The following SMCO4 variants were observed in gnomAD, a reference collection of about 807,000 sequenced individuals.
The protein encoded by SMCO4 is single-pass membrane protein with coiled-coil domains 4.
In SMCO4, 4 loss-of-function variants were observed where a neutral mutation model predicts 3.6. The observed-to-expected ratio is 1.11, with a 90% CI of 0.54 to 2.53. SMCO4 has a LOEUF of 2.53. Among genes scored for constraint, SMCO4 ranks in the 30% most tolerant of loss-of-function variants. The pLI is 0.02. For synonymous variants in SMCO4, 36 were observed against 35.3 expected (o/e 1.02, Z -0.07); for missense variants, 70 against 80.8 (o/e 0.87, Z 0.51).
At chr11:93,518,876 AG>A (rs1949032982) in intron 1 of SMCO4, among the ~76,000 whole-genome samples, 1 of 152,180 alleles carries the variant, frequency 6.6e-6, no homozygotes. Context: ...GGCCATTAAC[AG>A]GGGCGGCCTT....
intron 2 of SMCO4, among the ~76,000 whole-genome samples, chr11:93,480,117 C>T (rs563149303): frequency 1.3e-5 from 2 of 152,342 alleles, no homozygotes; most frequent in South Asian, 4.1e-4. Context: ...GGCTTCTTAG[C>T]TTTAAGCAGA....
chr11:93,525,841 TC>T (rs1388205193), intron 1 of SMCO4, among the ~76,000 whole-genome samples: 1 of 152,222 alleles, frequency 6.6e-6, no homozygotes, highest in Non-Finnish European at 1.5e-5. Flanking sequence ...GCCCCTGCTT[TC>T]CTGTCAGATG....
chr11:93,489,218 A>G (rs1284256137), intron 2 of SMCO4, among the ~76,000 whole-genome samples: 1 of 152,222 alleles, frequency 6.6e-6, no homozygotes, highest in Non-Finnish European at 1.5e-5. Flanking sequence ...TCTGTGCCTC[A>G]GATGTCTCAC....
At chr11:93,539,391 C>T (rs1454479463) in intron 1 of SMCO4, among the ~76,000 whole-genome samples, 1 of 151,958 alleles carries the variant, frequency 6.6e-6, no homozygotes, top group East Asian at 1.9e-4. Flanking sequence ...ACGGAAGGAA[C>T]AGGAAGAGAA....
At position 93,478,978 on chromosome 11, in the gene SMCO4, C is replaced by G; in HGVS notation, c.*32G>C. On this transcript the variant is annotated 3_prime_UTR_variant, in exon 3 of 3. Transcript: ENST00000298966. ...CGTCCCCCTCCCGCGCCTCCTCTCCCTGCCGATGGGGTCCGCAGCCGGCTG... is the reference window on the plus strand; with the variant it reads ...CGTCCCCCTCCCGCGCCTCCTCTCCGTGCCGATGGGGTCCGCAGCCGGCTG... 6.3e-7 allele frequency: 1 copy of G among 1,579,012 alleles called. No homozygotes were observed. Among genetic ancestry groups the G allele is most frequent in the Non-Finnish European group, 8.6e-7 (1 of 1,160,654 alleles).
the SMCO4 span, among the ~76,000 whole-genome samples, chr11:93,549,698 A>G: frequency 2.0e-5 from 3 of 151,704 alleles, no homozygotes; most frequent in Non-Finnish European, 1.5e-5. Context: ...GGCTCAAGTG[A>G]TCCTTCCACC....
intron 2 of SMCO4, among the ~76,000 whole-genome samples, chr11:93,483,216 G>C (rs910760203): frequency 3.9e-5 from 6 of 152,184 alleles, no homozygotes; most frequent in Non-Finnish European, 8.8e-5. Context: ...CTCAGGGAAA[G>C]AGAAATCAAG....
At chr11:93,534,190 CAAAAA>C (rs1168392909) in intron 1 of SMCO4, among the ~76,000 whole-genome samples, 7 of 110,420 alleles carry the variant, frequency 6.3e-5, no homozygotes, top group African/African-American at 2.3e-4. Context: ...GACTCCGTCT[CAAAAA>C]AAAAAAAAAA....
chr11:93,517,321 T>A (rs71480683), intron 1 of SMCO4, among the ~76,000 whole-genome samples: 1 of 152,008 alleles, frequency 6.6e-6, no homozygotes, highest in Non-Finnish European at 1.5e-5. Context: ...ATCCAATTGG[T>A]TTTTTCTTCT....
At chr11:93,485,579 G>A (rs1948639240) in intron 2 of SMCO4, among the ~76,000 whole-genome samples, 1 of 152,122 alleles carries the variant, frequency 6.6e-6, no homozygotes, top group Non-Finnish European at 1.5e-5. Flanking sequence ...GGCAGCTACT[G>A]CCTAGCTGGC....
intron 1 of SMCO4, among the ~76,000 whole-genome samples, chr11:93,504,637 C>T (rs931555680): frequency 7.9e-5 from 12 of 152,216 alleles, no homozygotes; most frequent in African/African-American, 2.9e-4. Flanking sequence ...TGTCGCAAAA[C>T]CCTCCTGCTA....
At chr11:93,501,218 T>G (rs945723345) in intron 1 of SMCO4, among the ~76,000 whole-genome samples, 4 of 152,042 alleles carry the variant, frequency 2.6e-5, no homozygotes, top group Non-Finnish European at 5.9e-5. Context: ...GTACAGAAAT[T>G]GGGAGTAAGT....
At position 93,479,136 on chromosome 11, in the gene SMCO4, C is replaced by T. The variant is rs1948560134; in HGVS notation, c.54G>A (p.Glu18=). ...PKKETSKDKK[E]RKQAMQEARQ... Reference sequence around the variant, plus strand: ...GGGCCTCCTGCATGGCTTGCTTCCGCTCCTTCTTGTCCTTGGAGGTCTCCT... The same window carrying T: ...GGGCCTCCTGCATGGCTTGCTTCCGTTCCTTCTTGTCCTTGGAGGTCTCCT... Residue 18 remains glutamate (E), a synonymous_variant, in exon 3 of 3, where the codon GAG becomes GAA. Coordinates refer to ENST00000298966, the MANE Select transcript of SMCO4 (RefSeq NM_020179.3). 1 of 1,614,138 alleles carries T rather than the reference C, an allele frequency of 6.2e-7. No homozygotes were observed.
chr11:93,523,752 G>A lies in SMCO4; in HGVS notation c.-154+19524C>T, dbSNP rs11020401. On this transcript the variant is annotated intron_variant, in intron 1 of 2. Coordinates refer to ENST00000298966, the MANE Select transcript of SMCO4 (RefSeq NM_020179.3). ...GTGTGTGTGCTAAAAGTGCTGACAC[G>A]TCCAATATGTAAATTTAAAATACCC... Among the ~76,000 whole-genome samples the A allele has an allele frequency of 3.6e-3, 543 of 152,276 alleles. 17 individuals carry two copies. The East Asian group carries it at 0.075, about 21-fold the overall frequency.
chr11:93,482,403 A>G (rs528808075), intron 2 of SMCO4, among the ~76,000 whole-genome samples: 26 of 152,260 alleles, frequency 1.7e-4, no homozygotes, highest in African/African-American at 4.3e-4. Context: ...AAATAATATC[A>G]AGGAGGCAAT....
At chr11:93,515,696 G>A (rs1267027729) in intron 1 of SMCO4, among the ~76,000 whole-genome samples, 1 of 152,102 alleles carries the variant, frequency 6.6e-6, no homozygotes. Flanking sequence ...AGGAAACCAG[G>A]GTCACTGCAG....
At chr11:93,511,107 AC>A (rs1460854955) in intron 1 of SMCO4, among the ~76,000 whole-genome samples, 1 of 152,146 alleles carries the variant, frequency 6.6e-6, no homozygotes, top group Non-Finnish European at 1.5e-5. Flanking sequence ...TCAAAATGGG[AC>A]AAAAACAAAA....
At chr11:93,514,955 T>C (rs1479985458) in intron 1 of SMCO4, among the ~76,000 whole-genome samples, 2 of 152,200 alleles carry the variant, frequency 1.3e-5, no homozygotes, top group Non-Finnish European at 2.9e-5. Flanking sequence ...CATTCAACAC[T>C]GGCATTCAAA....
intron 1 of SMCO4, among the ~76,000 whole-genome samples, chr11:93,539,665 A>C (rs560436346): frequency 6.6e-6 from 1 of 152,358 alleles, no homozygotes; most frequent in South Asian, 2.1e-4. Context: ...TCCTTTCAGC[A>C]TACAATTTAC....
Sources: gnomAD v4.1 joint callset for allele counts (sites outside exome capture counted in the v4.1 genomes callset) on GRCh38, gnomAD v4.1.1 for gene constraint, MANE v1.5 for transcripts, NCBI Gene and HGNC (gene_info 2026-07-23, HGNC 2026-07-21) for gene names.